Variants in RORA observed in about 807,000 individuals in gnomAD.
RORA encodes nuclear receptor ROR-alpha.
RORA carries 7 observed loss-of-function variants against 69.5 expected under a neutral mutation model. That is an observed-to-expected ratio of 0.10 (90% CI 0.06 to 0.19). The LOEUF (loss-of-function observed/expected upper bound fraction) is 0.19. RORA is among the 10% of genes least tolerant of loss of function. RORA has a pLI of 1.00. For missense variants in RORA, 457 were observed against 663.0 expected (o/e 0.69, Z 3.41); for synonymous variants, 261 against 240.8 (o/e 1.08, Z -0.78).
intron 1 of RORA, among the ~76,000 whole-genome samples, chr15:61,154,712 G>C (rs962690289): frequency 1.3e-5 from 2 of 152,180 alleles, no homozygotes; most frequent in Non-Finnish European, 2.9e-5. Flanking sequence ...TTCATCAAGT[G>C]GGAAGGAAAA....
chr15:61,137,055 G>GAA (rs1247650509), intron 1 of RORA, among the ~76,000 whole-genome samples: 1 of 145,126 alleles, frequency 6.9e-6, no homozygotes, highest in Non-Finnish European at 1.5e-5. Context: ...AAGAAAGAAA[G>GAA]AAAGAAAGAA....
chr15:60,972,654 A>C (rs1893752385), intron 1 of RORA, among the ~76,000 whole-genome samples: 1 of 152,198 alleles, frequency 6.6e-6, no homozygotes, highest in Non-Finnish European at 1.5e-5. Context: ...TCTGGATTTA[A>C]ATGCTGCTCC....
intron 1 of RORA, among the ~76,000 whole-genome samples, chr15:61,045,544 T>G (rs7180606): frequency 0.07 from 10,655 of 152,220 alleles, 499 homozygotes; most frequent in Non-Finnish European, 0.093. Flanking sequence ...GTGAGTACTC[T>G]GAGGCACCCA....
intron 1 of RORA, among the ~76,000 whole-genome samples, chr15:60,917,368 TC>T (rs1891907038): frequency 6.6e-6 from 1 of 152,212 alleles, no homozygotes. Flanking sequence ...AAATCTATCA[TC>T]CCTGAAAGTA....
chr15:61,183,295 G>T (rs2079705798), intron 1 of RORA, among the ~76,000 whole-genome samples: 1 of 152,206 alleles, frequency 6.6e-6, no homozygotes, highest in African/African-American at 2.4e-5. Context: ...AGCACTTTGG[G>T]AGGGCAAAGT....
At chr15:61,059,263 A>C (rs1311679197) in intron 1 of RORA, among the ~76,000 whole-genome samples, 1 of 152,240 alleles carries the variant, frequency 6.6e-6, no homozygotes, top group Non-Finnish European at 1.5e-5. Context: ...TGTCATTCCC[A>C]GTTGCTGTAA....
chr15:60,928,153 T>G (rs984110924), intron 1 of RORA, among the ~76,000 whole-genome samples: 2 of 152,162 alleles, frequency 1.3e-5, no homozygotes, highest in African/African-American at 4.8e-5. Flanking sequence ...ATAAATCCCT[T>G]TAAATGTTCC....
In RORA at chr15:60,496,081, T is replaced by G. The variant is rs2065160627; in HGVS notation, c.*1374A>C. 6.6e-6 allele frequency: 1 copy of G among 152,162 alleles called. No homozygotes were observed. The highest frequency in any genetic ancestry group is 2.1e-4 in the South Asian group (1 of 4,828). 9.4% of individuals were successfully genotyped at this position (152,162 alleles called of 1,614,324 possible). On this transcript the variant is annotated 3_prime_UTR_variant, in exon 11 of 11. Transcript: ENST00000335670. This position sits in a 1 kb window ranked among gnomAD's most constrained non-coding sequence, Gnocchi z 4.5. The stretch of plus-strand genomic sequence containing the variant: ...GAGAAACTGGTTCAACATTGTATGC[T>G]TCCCTCACCCTCCTATCCATCGTTT...
chr15:60,913,485 G>A (rs536204992), intron 1 of RORA, among the ~76,000 whole-genome samples: 1 of 152,222 alleles, frequency 6.6e-6, no homozygotes, highest in South Asian at 2.1e-4. Context: ...CTAAGAGACT[G>A]TCAGTACAAC....
At chr15:61,029,377 G>C (rs1324986570) in intron 1 of RORA, among the ~76,000 whole-genome samples, 2 of 152,122 alleles carry the variant, frequency 1.3e-5, no homozygotes, top group South Asian at 4.1e-4. Flanking sequence ...AATCCACACA[G>C]GGCCCTGCCA....
intron 1 of RORA, among the ~76,000 whole-genome samples, chr15:61,155,421 A>G (rs907494473): frequency 6.6e-6 from 1 of 152,218 alleles, no homozygotes; most frequent in Non-Finnish European, 1.5e-5. Flanking sequence ...AACTAGCCAA[A>G]TCCAACTCAA....
At chr15:61,058,255 G>A (rs559185733) in intron 1 of RORA, among the ~76,000 whole-genome samples, 8 of 152,240 alleles carry the variant, frequency 5.3e-5, no homozygotes, top group African/African-American at 1.7e-4. Context: ...GAAAGGCAGG[G>A]TGTCGCCAGG....
At chr15:61,218,676 A>T (rs1305155742) in intron 1 of RORA, among the ~76,000 whole-genome samples, 10 of 121,032 alleles carry the variant, frequency 8.3e-5, no homozygotes, top group African/African-American at 4.0e-4. Context: ...AATATAACTC[A>T]CACACACACA....
At position 60,734,576 on chromosome 15, in the gene RORA, C is replaced by A. The variant is rs115167251; in HGVS notation, c.167-55890G>T. On this transcript the variant is annotated intron_variant, in intron 1 of 10. Coordinates refer to ENST00000335670, the MANE Select transcript of RORA (RefSeq NM_134261.3). ...AAAGTTTGTCTTTGTAAATAGGAGA[C>A]AGGCACCAACATAATGGCCCACTGT... Among the ~76,000 whole-genome samples the A allele has an allele frequency of 1.8e-3, 279 of 152,306 alleles. 1 individual carries two copies. The highest frequency in any genetic ancestry group is 6.6e-3 in the African/African-American group (274 of 41,552).
intron 1 of RORA, among the ~76,000 whole-genome samples, chr15:61,203,201 C>T (rs548523228): frequency 2.0e-5 from 3 of 152,258 alleles, no homozygotes; most frequent in African/African-American, 7.2e-5. Flanking sequence ...AACATAGTCA[C>T]TTAAAATTAC....
At chr15:60,918,462 T>G (rs1176887854) in intron 1 of RORA, among the ~76,000 whole-genome samples, 1 of 152,220 alleles carries the variant, frequency 6.6e-6, no homozygotes, top group African/African-American at 2.4e-5. Context: ...CACGGCAGGA[T>G]AATTTGCAGT....
intron 1 of RORA, among the ~76,000 whole-genome samples, chr15:60,954,439 TAAA>T (rs34360652): frequency 2.2e-5 from 3 of 135,440 alleles, no homozygotes; most frequent in Non-Finnish European, 3.2e-5. Flanking sequence ...ACTTAAAGTA[TAAA>T]AAAAAAAAAA....
intron 1 of RORA, among the ~76,000 whole-genome samples, chr15:61,129,250 C>T (rs925916075): frequency 1.3e-5 from 2 of 151,754 alleles, no homozygotes; most frequent in Non-Finnish European, 2.9e-5. Context: ...ATTTGTGATT[C>T]GAGAGGGATA....
chr15:61,097,859 A>G (rs997088635), intron 1 of RORA, among the ~76,000 whole-genome samples: 8 of 152,152 alleles, frequency 5.3e-5, no homozygotes, highest in African/African-American at 1.7e-4. Flanking sequence ...TCTGCACAAG[A>G]ATGCTTGGCC....
Sources: gnomAD v4.1 joint callset for allele counts (sites outside exome capture counted in the v4.1 genomes callset) on GRCh38, gnomAD v4.1.1 for gene constraint, Gnocchi (gnomAD v3.1) non-coding constraint, MANE v1.5 for transcripts, NCBI Gene and HGNC (gene_info 2026-07-23, HGNC 2026-07-21) for gene names.